The following ZSCAN16 variants were observed in gnomAD, a reference collection of about 807,000 sequenced individuals.
The protein encoded by ZSCAN16 is zinc finger and SCAN domain containing 16, also known as zinc finger and SCAN domain-containing protein 16.
ZSCAN16 carries 15 observed loss-of-function variants against 19.4 expected under a neutral mutation model. The ratio of observed to expected loss-of-function variants is 0.77; its 90% CI spans 0.52 to 1.19. The LOEUF is 1.19. ZSCAN16 is among the 50% of genes most tolerant of loss of function. The pLI is 0.00. For missense variants in ZSCAN16, 327 were observed against 415.7 expected (o/e 0.79, Z 1.86); for synonymous variants, 138 against 146.5 (o/e 0.94, Z 0.42).
At chr6:28,128,276 G>C (rs941698849) in intron 3 of ZSCAN16, among the ~76,000 whole-genome samples, 8 of 151,968 alleles carry the variant, frequency 5.3e-5, no homozygotes. Context: ...CACTGTGCCT[G>C]GCTCAACCTG....
chr6:28,125,345 C>T lies in ZSCAN16; in HGVS notation c.-31-68C>T, dbSNP rs181340876. ...AATTTTTGTAATTTCTCTATGGTAACAACTTTTTATGCCTTAGGAGTGTCT... is the reference window on the plus strand; with the variant it reads ...AATTTTTGTAATTTCTCTATGGTAATAACTTTTTATGCCTTAGGAGTGTCT... On this transcript the variant is annotated intron_variant, in intron 1 of 3. Transcript: ENST00000340487. The surrounding 1 kb of genome is among the most constrained non-coding windows in gnomAD (Gnocchi z 6.2). 1.3e-3 allele frequency: 1,908 copies of T among 1,500,982 alleles called. 11 individuals carry two copies. In the African/African-American group the frequency reaches 0.014, roughly 11 times the overall value. The allele number at this position is 1,500,982 out of a possible 1,614,324, so 93.0% of individuals were successfully genotyped here.
Position 28,129,517 on chromosome 6 carries a change from G to C in ZSCAN16, c.614G>C (p.Arg205Thr), listed in dbSNP as rs145967433. The part of the protein sequence containing the change: ...DKEFLGEIND[R>T]LNKDTPQHPK... ...GAATTCCTTGGGGAGATAAATGACA[G>C]ACTGAACAAAGATACTCCTCAGCAT... Residue 205 changes from arginine (R) to threonine (T), a missense_variant, in exon 4 of 4, where the codon AGA (arginine) becomes ACA (threonine). By Grantham distance (71) the Arg-to-Thr change is moderately conservative (BLOSUM62 -1). Coordinates refer to ENST00000340487, the MANE Select transcript of ZSCAN16 (RefSeq NM_025231.3). The C allele has an allele frequency of 6.2e-7, 1 of 1,613,978 alleles. No homozygotes were observed. The highest frequency in any genetic ancestry group is 1.3e-5 in the African/African-American group (1 of 74,898).
chr6:28,129,563 T>G lies in ZSCAN16; in HGVS notation c.660T>G (p.Ile220Met). 1 of 1,614,076 alleles carries G rather than the reference T, an allele frequency of 6.2e-7. No homozygotes were observed. The highest frequency in any genetic ancestry group is 8.5e-7 in the Non-Finnish European group (1 of 1,180,010). The change falls in exon 4 of 4, where the codon ATT becomes ATG. Residue 220 changes from isoleucine (I) to methionine (M), a missense_variant. Ile to Met is a conservative substitution (Grantham distance 10). Transcript: ENST00000340487. ...TPQHPKSKDI[I>M]ENEGRSEWQQ... ...AGCATCCTAAGTCCAAAGATATTAT[T>G]GAAAATGAGGGCAGATCAGAATGGC...
chr6:28,125,084 G>A lies in ZSCAN16; in HGVS notation c.-31-329G>A, dbSNP rs996290737. 1.1e-4 allele frequency among the ~76,000 whole-genome samples: 16 copies of A among 152,324 alleles called. No individual in the cohort carries two copies. The highest frequency in any genetic ancestry group is 3.4e-3 in the Middle Eastern group (1 of 294). ...CCAGGGACGTTGCATACGTTCTCAT[G>A]TAATCTGTATATCAACCCTGTAACA... On this transcript the variant is annotated intron_variant, in intron 1 of 3. Coordinates refer to ENST00000340487, the MANE Select transcript of ZSCAN16 (RefSeq NM_025231.3). This position sits in a 1 kb window ranked among gnomAD's most constrained non-coding sequence, Gnocchi z 6.2.
rs1764842203 is a variant in ZSCAN16, at chr6:28,124,660, TTCC to T, written c.-45_-43del. 6.6e-6 allele frequency: 1 copy of T among 152,288 alleles called. No homozygotes were observed. Among genetic ancestry groups the T allele is most frequent in the Non-Finnish European group, 1.5e-5 (1 of 68,102 alleles). 9.4% of individuals were successfully genotyped at this position (152,288 alleles called of 1,614,324 possible). A position where few individuals can be genotyped will look rare whatever the true frequency, so the allele number is the denominator to read the frequency against. ...CAAAGGACGCTAGCTGTTGCACCTG[TTCC>T]TCCCTGCGCGTAAGGTGAGTGTCTC... On this transcript the variant is annotated 5_prime_UTR_variant, in exon 1 of 4. Coordinates refer to ENST00000340487, the MANE Select transcript of ZSCAN16 (RefSeq NM_025231.3).
chr6:28,129,310 G>C, intron 3 of ZSCAN16, 120 bp from the exon 4 acceptor site: 1 of 1,239,632 alleles, frequency 8.1e-7, no homozygotes, highest in East Asian at 2.5e-5. Context: ...TATGTGTGTT[G>C]TATGTGACTT....
rs759667333 is a variant in ZSCAN16, at chr6:28,126,842, G to A, written c.447G>A (p.Arg149=). The A allele has an allele frequency of 1.3e-6, 2 of 1,590,342 alleles. No homozygotes were observed. The highest frequency in any genetic ancestry group is 1.7e-5 in the Admixed American group (1 of 58,740). Residue 149 remains arginine (R), a synonymous_variant, in exon 3 of 4, where the codon AGG becomes AGA. Coordinates refer to ENST00000340487, the MANE Select transcript of ZSCAN16 (RefSeq NM_025231.3). ...TGGACAAGTTGGCCCCCTTGGGAAG[G>A]CCATATGAATCACTGACTGTCCAGC... is the stretch of plus-strand genomic sequence containing the variant. ...ILMDKLAPLG[R]PYESLTVQLH...
intron 3 of ZSCAN16, among the ~76,000 whole-genome samples, chr6:28,128,605 A>C (rs1764968160): frequency 6.6e-6 from 1 of 152,196 alleles, no homozygotes; most frequent in Admixed American, 6.5e-5. Context: ...ATCAGAGAAT[A>C]ACATTCTAAG....
rs374613970 is a variant in ZSCAN16, at chr6:28,125,818, A to C, written c.375A>C (p.Glu125Asp). 30 of 1,603,858 alleles carry C rather than the reference A, an allele frequency of 1.9e-5. No homozygotes were observed. The highest frequency in any genetic ancestry group is 2.4e-5 in the Non-Finnish European group (28 of 1,174,764). Reference sequence around the variant, plus strand: ...AGGATCTGGAGAGAGAGCTTGATGAACCTGGAAAGCAGGTGTGAAGGGGCA... The same window carrying C: ...AGGATCTGGAGAGAGAGCTTGATGACCCTGGAAAGCAGGTGTGAAGGGGCA... ...VLEDLERELD[E>D]PGKQVPGNSE... Residue 125 changes from glutamate (E) to aspartate (D), a missense_variant, in exon 2 of 4, where the codon GAA (glutamate) becomes GAC (aspartate). Transcript: ENST00000340487. This position sits in a 1 kb window ranked among gnomAD's most constrained non-coding sequence, Gnocchi z 6.2.
chr6:28,127,472 C>G (rs1343442136), intron 3 of ZSCAN16, among the ~76,000 whole-genome samples: 1 of 152,134 alleles, frequency 6.6e-6, no homozygotes, highest in East Asian at 1.9e-4. Context: ...GACACTAGTA[C>G]TATTGGATTA....
At position 28,125,383 on chromosome 6, in the gene ZSCAN16, T is replaced by C; in HGVS notation, c.-31-30T>C. Reference sequence around the variant, plus strand: ...CTTAGGAGTGTCTCTGAGGCAGGATTCTAAGAGATTCTCTTTGACTCAATC... The same window carrying C: ...CTTAGGAGTGTCTCTGAGGCAGGATCCTAAGAGATTCTCTTTGACTCAATC... On this transcript the variant is annotated intron_variant, in intron 1 of 3. Transcript: ENST00000340487. This position sits in a 1 kb window ranked among gnomAD's most constrained non-coding sequence, Gnocchi z 6.2. 6.4e-7 allele frequency: 1 copy of C among 1,550,612 alleles called. No individual in the cohort carries two copies. The highest frequency in any genetic ancestry group is 1.4e-5 in the African/African-American group (1 of 72,798).
chr6:28,127,043 C>A, intron 3 of ZSCAN16, 122 bp downstream of exon 3: 3 of 833,428 alleles, frequency 3.6e-6, no homozygotes, highest in Non-Finnish European at 4.9e-6. Context: ...TCACTATGGA[C>A]AATTTTATCC....
rs1421959999 is a variant in ZSCAN16 at position 28,125,455 on chromosome 6, C to T, written c.12C>T (p.Ala4=). 6.2e-7 allele frequency: 1 copy of T among 1,612,932 alleles called. No homozygotes were observed. Among genetic ancestry groups the T allele is most frequent in the South Asian group, 1.1e-5 (1 of 90,922 alleles). ...TGGCAAAGCCCAGAATGACCACAGC[C>T]CTGGAACCTGAGGACCAAAAAGGAC... MTT[A]LEPEDQKGLL... Residue 4 remains alanine, a synonymous_variant, in exon 2 of 4, where the codon GCC becomes GCT. Transcript: ENST00000340487. This position sits in a 1 kb window ranked among gnomAD's most constrained non-coding sequence, Gnocchi z 6.2.
intron 3 of ZSCAN16, among the ~76,000 whole-genome samples, chr6:28,127,300 A>G (rs1764932993): frequency 6.6e-6 from 1 of 152,126 alleles, no homozygotes; most frequent in African/African-American, 2.4e-5. Flanking sequence ...CTTAACAGAA[A>G]TTTATTTTCT....
chr6:28,126,232 A>G (rs950823858), intron 2 of ZSCAN16, among the ~76,000 whole-genome samples: 5 of 152,158 alleles, frequency 3.3e-5, no homozygotes, highest in African/African-American at 1.2e-4. Context: ...ATATAATGCA[A>G]GCTGTATATG....
intron 3 of ZSCAN16, among the ~76,000 whole-genome samples, chr6:28,127,394 C>T (rs9461433): frequency 0.24 from 35,663 of 146,124 alleles, 4,358 homozygotes; most frequent in African/African-American, 0.31. Flanking sequence ...GCTTGCAGAC[C>T]TCTTGCTGTG....
At position 28,129,430 on chromosome 6, in the gene ZSCAN16, G is replaced by GA; in HGVS notation, c.527_528insA (p.Asp177Ter). ...TTTGTGTACTGTTTGTTTGTTACAG[G>GA]TGATAAAACTAGGACTAAGAATGAA... On this transcript the variant is annotated frameshift_variant and splice_region_variant, in exon 4 of 4. Transcript: ENST00000340487. LOFTEE classifies it low-confidence loss of function (END_TRUNC). 6 of 1,600,952 alleles carry GA rather than the reference G, an allele frequency of 3.7e-6. No individual in the cohort carries two copies. The highest frequency in any genetic ancestry group is 5.1e-6 in the Non-Finnish European group (6 of 1,173,694).
chr6:28,129,622 A>C lies in ZSCAN16; in HGVS notation c.719A>C (p.Glu240Ala), dbSNP rs1764999821. Residue 240 changes from glutamate to alanine, a missense_variant, in exon 4 of 4, where the codon GAA becomes GCA. Coordinates refer to ENST00000340487, the MANE Select transcript of ZSCAN16 (RefSeq NM_025231.3). Reference sequence around the variant, plus strand: ...GAAAGAAGACGATATAAATGTGATGAATGTGGGAAAAGTTTCAGTCATAGC... The same window carrying C: ...GAAAGAAGACGATATAAATGTGATGCATGTGGGAAAAGTTTCAGTCATAGC... The part of the protein sequence containing the change: ...QRERRRYKCD[E>A]CGKSFSHSSD... 1 of 1,614,108 alleles carries C rather than the reference A, an allele frequency of 6.2e-7. No individual in the cohort carries two copies. Among genetic ancestry groups the C allele is most frequent in the African/African-American group, 1.3e-5 (1 of 74,942 alleles).
intron 3 of ZSCAN16, 119 bp from the exon 4 acceptor site, chr6:28,129,311 T>C: frequency 6.4e-6 from 8 of 1,256,150 alleles, no homozygotes; most frequent in Non-Finnish European, 8.7e-6. Context: ...ATGTGTGTTG[T>C]ATGTGACTTC....
Sources: allele counts gnomAD v4.1 joint callset (sites outside exome capture counted in the v4.1 genomes callset), GRCh38; gene constraint gnomAD v4.1.1; non-coding constraint Gnocchi (gnomAD v3.1); transcripts MANE v1.5; gene names NCBI Gene and HGNC (gene_info 2026-07-23, HGNC 2026-07-21).